The following ABTB3 variants were observed in gnomAD, a reference collection of about 807,000 sequenced individuals.
The protein encoded by ABTB3 is ankyrin repeat- and BTB/POZ domain-containing protein 3.
the ABTB3 span, among the ~76,000 whole-genome samples, chr12:107,604,809 AC>A: frequency 6.6e-6 from 1 of 152,236 alleles, no homozygotes; most frequent in Non-Finnish European, 1.5e-5. Context: ...AGAGATATCC[AC>A]ACTCCTGTGT....
chr12:107,398,277 C>T, the ABTB3 span, among the ~76,000 whole-genome samples: 5 of 152,160 alleles, frequency 3.3e-5, no homozygotes, highest in Non-Finnish European at 7.3e-5. Context: ...TTTCCTGAAG[C>T]CTGGTGTTTA....
the ABTB3 span, among the ~76,000 whole-genome samples, chr12:107,377,058 CT>C: frequency 6.6e-6 from 1 of 152,156 alleles, no homozygotes; most frequent in Non-Finnish European, 1.5e-5. Context: ...ACTGAAGGGC[CT>C]CCCCCACAGC....
At chr12:107,486,904 A>G in the ABTB3 span, among the ~76,000 whole-genome samples, 4 of 152,166 alleles carry the variant, frequency 2.6e-5, no homozygotes, top group Non-Finnish European at 5.9e-5. Flanking sequence ...GAGAGAGATT[A>G]CATAACTTTC....
chr12:107,379,659 A>G, the ABTB3 span, among the ~76,000 whole-genome samples: 1 of 152,136 alleles, frequency 6.6e-6, no homozygotes, highest in African/African-American at 2.4e-5. Context: ...CCCACATCCC[A>G]TCCTCTCTCA....
At chr12:107,410,950 T>C in the ABTB3 span, among the ~76,000 whole-genome samples, 1 of 152,126 alleles carries the variant, frequency 6.6e-6, no homozygotes, top group Admixed American at 6.5e-5. Context: ...GCAGACAACA[T>C]CTAGAGCTGT....
At chr12:107,357,425 T>C in the ABTB3 span, among the ~76,000 whole-genome samples, 1 of 151,974 alleles carries the variant, frequency 6.6e-6, no homozygotes, top group African/African-American at 2.4e-5. Flanking sequence ...CTGAGCAACA[T>C]AGGGAGACCC....
chr12:107,452,103 T>C, the ABTB3 span, among the ~76,000 whole-genome samples: 8 of 152,186 alleles, frequency 5.3e-5, no homozygotes, highest in Non-Finnish European at 1.0e-4. Context: ...GGTCAGCAAT[T>C]ATTGAGCACT....
chr12:107,485,247 A>G, the ABTB3 span, among the ~76,000 whole-genome samples: 1 of 152,062 alleles, frequency 6.6e-6, no homozygotes. Context: ...TTGATTCCTC[A>G]GTTTTTCAGG....
chr12:107,474,554 G>C, the ABTB3 span, among the ~76,000 whole-genome samples: 3 of 152,158 alleles, frequency 2.0e-5, no homozygotes, highest in Non-Finnish European at 4.4e-5. Context: ...GGCTGTACCT[G>C]GGGCTGGACC....
the ABTB3 span, among the ~76,000 whole-genome samples, chr12:107,558,721 C>T: frequency 1.2e-4 from 18 of 152,310 alleles, no homozygotes; most frequent in African/African-American, 3.4e-4. Flanking sequence ...TCCTTGAGTG[C>T]CAGCTCATGC....
the ABTB3 span, among the ~76,000 whole-genome samples, chr12:107,388,700 C>T: frequency 6.6e-6 from 1 of 152,220 alleles, no homozygotes; most frequent in Admixed American, 6.5e-5. Flanking sequence ...ATCTGCACAG[C>T]ACCAGCAGGT....
the ABTB3 span, among the ~76,000 whole-genome samples, chr12:107,466,788 C>T: frequency 2.2e-4 from 33 of 151,846 alleles, no homozygotes; most frequent in African/African-American, 7.7e-4. Context: ...TTGAGCAGGG[C>T]CAAGGAGTTC....
the ABTB3 span, among the ~76,000 whole-genome samples, chr12:107,508,440 T>TTTTTTTTTG: frequency 2.3e-5 from 1 of 43,512 alleles, no homozygotes; most frequent in African/African-American, 1.7e-4. Flanking sequence ...GATCATTTCT[T>TTTTTTTTTG]TTTTTTTTTT....
At chr12:107,382,141 G>T in the ABTB3 span, among the ~76,000 whole-genome samples, 1 of 152,316 alleles carries the variant, frequency 6.6e-6, no homozygotes, top group East Asian at 1.9e-4. Flanking sequence ...TTAGAGTGGG[G>T]ATGTATAAAG....
At chr12:107,416,610 T>C in the ABTB3 span, among the ~76,000 whole-genome samples, 1 of 152,220 alleles carries the variant, frequency 6.6e-6, no homozygotes, top group South Asian at 2.1e-4. Flanking sequence ...GTTGGTTGTC[T>C]GGCCCTGTCG....
At chr12:107,429,251 C>T in the ABTB3 span, among the ~76,000 whole-genome samples, 1 of 152,180 alleles carries the variant, frequency 6.6e-6, no homozygotes, top group Non-Finnish European at 1.5e-5. Context: ...TGGGTAGGAC[C>T]AACTGCCAAG....
At chr12:107,658,228 A>G in the ABTB3 span, 1 of 155,010 alleles carries the variant, frequency 6.5e-6, no homozygotes. Context: ...CATTTAAAAA[A>G]AAACAAAAAC....
the ABTB3 span, among the ~76,000 whole-genome samples, chr12:107,469,920 T>TTCTTTCTCTC: frequency 4.9e-5 from 5 of 102,032 alleles, no homozygotes; most frequent in East Asian, 3.0e-4. Flanking sequence ...CTTTCTTTCT[T>TTCTTTCTCTC]TCTCTCTCTC....
chr12:107,618,085 C>T, the ABTB3 span: 1 of 1,443,794 alleles, frequency 6.9e-7, no homozygotes, highest in Non-Finnish European at 9.5e-7. Context: ...GCTTCCCCAG[C>T]CTGCCCCTGC....
Sources: gnomAD v4.1 joint callset for allele counts (sites outside exome capture counted in the v4.1 genomes callset) on GRCh38, gnomAD v4.1.1 for gene constraint, MANE v1.5 for transcripts, NCBI Gene and HGNC (gene_info 2026-07-23, HGNC 2026-07-21) for gene names.